CACNA1A: variants seen among roughly 807,000 people sequenced by gnomAD.
CACNA1A encodes the protein voltage-dependent P/Q-type calcium channel subunit alpha-1A.
CACNA1A carries 57 observed loss-of-function variants against 262.4 expected under a neutral mutation model. That is an observed-to-expected ratio of 0.22 (90% CI 0.18 to 0.27). CACNA1A has a LOEUF of 0.27. Among genes scored for constraint, CACNA1A ranks in the 10% least tolerant of loss-of-function variants. The probability of loss-of-function intolerance (pLI) is 1.00; values close to 1 mark genes in which losing one functional copy is unlikely to be tolerated. For synonymous variants in CACNA1A, 1,431 were observed against 1,419.3 expected, an observed-to-expected ratio of 1.01 and a Z score of -0.18; for missense variants, 2,526 against 3,562.8, an observed-to-expected ratio of 0.71 and a Z score of 7.41.
intron 10 of CACNA1A, among the ~76,000 whole-genome samples, chr19:13,328,816 G>A (rs535217761): frequency 3.9e-5 from 6 of 151,972 alleles, no homozygotes; most frequent in South Asian, 2.1e-4. Flanking sequence ...AACTAGGGGC[G>A]AGCGATAAAA....
chr19:13,475,992 C>T (rs772520448), intron 1 of CACNA1A, among the ~76,000 whole-genome samples: 2 of 152,016 alleles, frequency 1.3e-5, no homozygotes, highest in Non-Finnish European at 2.9e-5. Context: ...TATAAGGAGG[C>T]GGGGACACAA....
chr19:13,408,880 G>A (rs1376187063), intron 3 of CACNA1A, among the ~76,000 whole-genome samples: 1 of 152,224 alleles, frequency 6.6e-6, no homozygotes, highest in Non-Finnish European at 1.5e-5. Context: ...GTTGTAGGAT[G>A]AAGGCTGAAG....
At chr19:13,400,090 A>G (rs536051505) in intron 3 of CACNA1A, among the ~76,000 whole-genome samples, 6 of 152,188 alleles carry the variant, frequency 3.9e-5, no homozygotes, top group Non-Finnish European at 8.8e-5. Flanking sequence ...TTAGAAAACT[A>G]TGATCCAAGA....
At chr19:13,466,877 A>ATTATTTCTTTATTTAT (rs2061252927) in intron 1 of CACNA1A, among the ~76,000 whole-genome samples, 1 of 142,524 alleles carries the variant, frequency 7.0e-6, no homozygotes, top group Admixed American at 7.0e-5. Flanking sequence ...TTAAATTTCC[A>ATTATTTCTTTATTTAT]TTATTTATTT....
intron 6 of CACNA1A, 123 bp downstream of exon 6, chr19:13,359,483 T>C (rs1008226702): frequency 2.8e-6 from 2 of 717,796 alleles, no homozygotes; most frequent in Non-Finnish European, 4.8e-6. Flanking sequence ...GGGGCTGTGT[T>C]GTCCTTGGGC....
At chr19:13,211,879 G>A in intron 43 of CACNA1A, 2 of 528,748 alleles carry the variant, frequency 3.8e-6, no homozygotes, top group South Asian at 2.4e-5. Flanking sequence ...GCCCCAGGGG[G>A]AGCACTTTCC....
chr19:13,323,492 CCTT>C (rs2058296765), intron 10 of CACNA1A, among the ~76,000 whole-genome samples: 2 of 152,082 alleles, frequency 1.3e-5, no homozygotes, highest in Admixed American at 1.3e-4. Context: ...GTCTCGGTCT[CCTT>C]CTGTCGCCCA....
intron 10 of CACNA1A, among the ~76,000 whole-genome samples, chr19:13,318,906 T>TTTTTTTTTTTTTTTTTTTTTTTTTTTA (rs2058188178): frequency 6.7e-6 from 1 of 149,380 alleles, no homozygotes; most frequent in Non-Finnish European, 1.5e-5. Context: ...TTTTTTTTTT[T>TTTTTTTTTTTTTTTTTTTTTTTTTTTA]GAGACAGGAT....
chr19:13,329,538 G>C (rs2058431289), intron 10 of CACNA1A, among the ~76,000 whole-genome samples: 1 of 148,392 alleles, frequency 6.7e-6, no homozygotes, highest in African/African-American at 2.5e-5. Flanking sequence ...GCCCAGGCTG[G>C]AGGGCAGTGA....
intron 3 of CACNA1A, among the ~76,000 whole-genome samples, chr19:13,411,469 G>T (rs893862214): frequency 1.4e-4 from 21 of 152,090 alleles, no homozygotes; most frequent in African/African-American, 4.3e-4. Context: ...AAGCTCTCTT[G>T]CCTGCTGCCA....
rs2054573918 is a variant in CACNA1A at position 13,206,480 on chromosome 19, A to ATGTC, written c.*829_*832dup. 1 of 151,798 alleles carries ATGTC rather than the reference A, an allele frequency of 6.6e-6. No individual in the cohort carries two copies. Among genetic ancestry groups the ATGTC allele is most frequent in the Non-Finnish European group, 1.5e-5 (1 of 68,114 alleles). The allele number at this position is 151,798 out of a possible 1,614,324, so 9.4% of individuals were successfully genotyped here. On this transcript the variant is annotated 3_prime_UTR_variant, in exon 47 of 47. Coordinates refer to ENST00000360228, the MANE Select transcript of CACNA1A (RefSeq NM_001127222.2). ...TTTTTTATTTTTTTTTTCTTTTTGA[A>ATGTC]TGTCATGCAATAATTCACAGTCCCA...
At position 13,285,124 on chromosome 19, in the gene CACNA1A, G is replaced by A. The variant is rs757943547; in HGVS notation, c.3636C>T (p.Asp1212=). 13 of 1,613,826 alleles carry A rather than the reference G, an allele frequency of 8.1e-6. No homozygotes were observed. Among genetic ancestry groups the A allele is most frequent in the South Asian group, 4.4e-5 (4 of 91,084 alleles). Residue 1212 remains aspartate (D), a synonymous_variant, in exon 21 of 47, where the codon GAC becomes GAT. Transcript: ENST00000360228. ...TATAGGGAGGCATTGGCTTAGGGCC[G>A]TCTTCCCCACGGTCGTCTTCCTCCT... ...KEEEEDDRGE[D]GPKPMPPYSS... is the part of the protein sequence containing the mutation.
chr19:13,453,665 G>A (rs77994482), intron 2 of CACNA1A, among the ~76,000 whole-genome samples: 19,271 of 152,142 alleles, frequency 0.13, 1,557 homozygotes, highest in East Asian at 0.26. Flanking sequence ...CAGAACCTCC[G>A]GCTGGTTCTG....
intron 31 of CACNA1A, among the ~76,000 whole-genome samples, chr19:13,238,977 C>T (rs1459490521): frequency 5.9e-5 from 9 of 152,070 alleles, no homozygotes; most frequent in Non-Finnish European, 1.2e-4. Context: ...AGAGGACAAC[C>T]CTCCCACTGT....
At chr19:13,376,354 C>G (rs2059404214) in intron 3 of CACNA1A, among the ~76,000 whole-genome samples, 1 of 152,112 alleles carries the variant, frequency 6.6e-6, no homozygotes, top group African/African-American at 2.4e-5. Flanking sequence ...GCTAGTGCTC[C>G]TGGTGACTTT....
intron 23 of CACNA1A, 72 bp downstream of exon 23, chr19:13,276,997 C>T (rs2057166184): frequency 2.1e-6 from 2 of 965,460 alleles, no homozygotes. Context: ...CAGGCATGAT[C>T]CACTGTGCCC....
In CACNA1A at chr19:13,236,783, C is replaced by T. The variant is rs2055892156; in HGVS notation, c.4951-1053G>A. ...TGCTCAAAAACCCCCTGTCTAGTCA[C>T]TGCCTCTGCCTCCTCCCACCCAAGC... On this transcript the variant is annotated intron_variant, in intron 31 of 46. Transcript: ENST00000360228. The surrounding 1 kb of genome is among the most constrained non-coding windows in gnomAD (Gnocchi z 4.6). Among the ~76,000 whole-genome samples, 1 of 152,080 alleles carries T rather than the reference C, an allele frequency of 6.6e-6. No individual in the cohort carries two copies. Among genetic ancestry groups the T allele is most frequent in the Non-Finnish European group, 1.5e-5 (1 of 68,008 alleles).
chr19:13,395,076 C>G (rs565442369), intron 3 of CACNA1A, among the ~76,000 whole-genome samples: 1 of 151,518 alleles, frequency 6.6e-6, no homozygotes, highest in Non-Finnish European at 1.5e-5. Flanking sequence ...GAGTTTAAGA[C>G]CAGCCTGGCC....
chr19:13,240,135 A>C (rs1021056854), intron 31 of CACNA1A, among the ~76,000 whole-genome samples: 20 of 143,484 alleles, frequency 1.4e-4, no homozygotes, highest in African/African-American at 5.3e-4. Context: ...TGGGTGACAG[A>C]GCGAGACTCT....
Sources: allele counts gnomAD v4.1 joint callset (sites outside exome capture counted in the v4.1 genomes callset), GRCh38; gene constraint gnomAD v4.1.1; non-coding constraint Gnocchi (gnomAD v3.1); transcripts MANE v1.5; gene names NCBI Gene and HGNC (gene_info 2026-07-23, HGNC 2026-07-21).